The following DRC8 variants were observed in gnomAD, a reference collection of about 807,000 sequenced individuals.
DRC8 encodes dynein regulatory complex subunit 8, also known as dynein regulatory complex protein 8.
the DRC8 span, among the ~76,000 whole-genome samples, chr1:245,011,655 G>T: frequency 5.9e-5 from 9 of 152,184 alleles, no homozygotes; most frequent in Non-Finnish European, 1.3e-4. Flanking sequence ...CAGTGGGTAA[G>T]GATTCCTGAG....
At chr1:245,071,318 A>G in the DRC8 span, among the ~76,000 whole-genome samples, 1 of 152,230 alleles carries the variant, frequency 6.6e-6, no homozygotes, top group Non-Finnish European at 1.5e-5. Context: ...AGATCTGTAG[A>G]GAGAGCCTCA....
At chr1:245,106,690 A>G in the DRC8 span, among the ~76,000 whole-genome samples, 1 of 152,220 alleles carries the variant, frequency 6.6e-6, no homozygotes, top group Non-Finnish European at 1.5e-5. Context: ...AAATTTCTGC[A>G]GGAATAACCA....
At chr1:244,986,143 C>T in the DRC8 span, among the ~76,000 whole-genome samples, 9 of 151,034 alleles carry the variant, frequency 6.0e-5, no homozygotes, top group African/African-American at 1.7e-4. Context: ...TTAGTAGAGA[C>T]GGGGTTTCTC....
At chr1:245,074,063 A>C in the DRC8 span, among the ~76,000 whole-genome samples, 1 of 152,250 alleles carries the variant, frequency 6.6e-6, no homozygotes, top group Non-Finnish European at 1.5e-5. Context: ...CGTTACATAC[A>C]TGATCTGAAA....
At chr1:245,077,691 A>G in the DRC8 span, among the ~76,000 whole-genome samples, 5 of 152,218 alleles carry the variant, frequency 3.3e-5, no homozygotes, top group Non-Finnish European at 5.9e-5. Flanking sequence ...ATGAAATTGG[A>G]TCCGTATCTC....
At chr1:245,041,265 C>G in the DRC8 span, among the ~76,000 whole-genome samples, 21 of 151,796 alleles carry the variant, frequency 1.4e-4, no homozygotes, top group South Asian at 3.5e-3. Flanking sequence ...GGTGTAAGAT[C>G]AAGCCAAAAA....
At chr1:245,081,988 CAG>C in the DRC8 span, 49 of 984,792 alleles carry the variant, frequency 5.0e-5, no homozygotes, top group Middle Eastern at 2.5e-3. Flanking sequence ...GCTCACCATC[CAG>C]AGTCTCTAGC....
At chr1:245,004,495 A>G in the DRC8 span, among the ~76,000 whole-genome samples, 2 of 151,686 alleles carry the variant, frequency 1.3e-5, no homozygotes, top group African/African-American at 4.9e-5. Flanking sequence ...TTCCCACCTC[A>G]GCCTCCTGAG....
the DRC8 span, among the ~76,000 whole-genome samples, chr1:245,092,078 C>T: frequency 6.6e-6 from 1 of 152,238 alleles, no homozygotes; most frequent in Non-Finnish European, 1.5e-5. Context: ...GTCTGGCGAT[C>T]TTGTGCTCTG....
the DRC8 span, among the ~76,000 whole-genome samples, chr1:244,974,999 T>C: frequency 1.1e-4 from 17 of 152,160 alleles, no homozygotes; most frequent in East Asian, 1.7e-3. Flanking sequence ...GGCACGATCT[T>C]GGCTCACTGC....
the DRC8 span, among the ~76,000 whole-genome samples, chr1:244,977,720 A>G: frequency 2.0e-5 from 3 of 152,182 alleles, no homozygotes; most frequent in African/African-American, 7.2e-5. Context: ...TTGAGCTTTA[A>G]TATACTTCTG....
the DRC8 span, among the ~76,000 whole-genome samples, chr1:245,027,284 G>A: frequency 2.7e-3 from 406 of 151,978 alleles, 2 homozygotes; most frequent in African/African-American, 9.3e-3. Flanking sequence ...TTATTCTAGA[G>A]CTCTTTCTAT....
At chr1:245,095,615 G>A in the DRC8 span, among the ~76,000 whole-genome samples, 4 of 152,192 alleles carry the variant, frequency 2.6e-5, no homozygotes, top group South Asian at 2.1e-4. Context: ...CTCCAGCCTC[G>A]AACTCCTGGC....
At chr1:245,064,599 G>A in the DRC8 span, among the ~76,000 whole-genome samples, 151 of 152,256 alleles carry the variant, frequency 9.9e-4, no homozygotes, top group Middle Eastern at 3.4e-3. Flanking sequence ...TTGGGAAAGA[G>A]TGCCTTGGGG....
the DRC8 span, among the ~76,000 whole-genome samples, chr1:245,010,150 C>A: frequency 6.6e-6 from 1 of 152,162 alleles, no homozygotes; most frequent in Non-Finnish European, 1.5e-5. Context: ...CATGAGCCAC[C>A]GCTCCCGACC....
the DRC8 span, chr1:244,970,656 GC>G: frequency 2.8e-4 from 11 of 38,792 alleles, no homozygotes; most frequent in East Asian, 0.13. Context: ...GCCCCGCCCC[GC>G]CTCTCTCCCC....
chr1:244,976,767 G>A, the DRC8 span, among the ~76,000 whole-genome samples: 1 of 152,186 alleles, frequency 6.6e-6, no homozygotes, highest in African/African-American at 2.4e-5. Context: ...GTTACCATGT[G>A]ACCCAGCAGT....
chr1:245,083,627 A>C, the DRC8 span: 1 of 1,608,840 alleles, frequency 6.2e-7, no homozygotes, highest in Non-Finnish European at 8.5e-7. Context: ...CCTAGGTTTT[A>C]GATTCAGCTA....
chr1:245,055,234 C>T, the DRC8 span, among the ~76,000 whole-genome samples: 1 of 152,324 alleles, frequency 6.6e-6, no homozygotes, highest in African/African-American at 2.4e-5. Context: ...GGAAATTCAA[C>T]ATGTCCCAGA....
Sources: gnomAD v4.1 joint callset for allele counts (sites outside exome capture counted in the v4.1 genomes callset) on GRCh38, gnomAD v4.1.1 for gene constraint, MANE v1.5 for transcripts, NCBI Gene and HGNC (gene_info 2026-07-23, HGNC 2026-07-21) for gene names.